Variants in SDHAF4 observed in about 807,000 individuals in gnomAD.
The protein encoded by SDHAF4 is succinate dehydrogenase assembly factor 4, mitochondrial.
SDHAF4 carries 14 observed loss-of-function variants against 14.3 expected under a neutral mutation model. The ratio of observed to expected loss-of-function variants is 0.98; its 90% CI spans 0.65 to 1.53. The LOEUF is 1.53. Among genes scored for constraint, SDHAF4 ranks in the 40% most tolerant of loss-of-function variants. The pLI, the probability that SDHAF4 is intolerant of heterozygous loss-of-function variation, is 0.00. For missense variants in SDHAF4, 141 were observed against 129.3 expected (o/e 1.09, Z -0.44); for synonymous variants, 63 against 47.3 (o/e 1.33, Z -1.36).
At chr6:70,582,270 G>T (rs914764827) in intron 2 of SDHAF4, among the ~76,000 whole-genome samples, 2 of 151,274 alleles carry the variant, frequency 1.3e-5, no homozygotes, top group Non-Finnish European at 3.0e-5. Flanking sequence ...TCAGTATGTT[G>T]CCCAGGCTGG....
At chr6:70,587,988 A>G (rs1765223155) in intron 2 of SDHAF4, among the ~76,000 whole-genome samples, 1 of 152,226 alleles carries the variant, frequency 6.6e-6, no homozygotes, top group Non-Finnish European at 1.5e-5. Flanking sequence ...ACCTTGTTTA[A>G]TTAACAACAC....
At chr6:70,592,194 A>T (rs1047762660), downstream of SDHAF4, among the ~76,000 whole-genome samples, 1 of 152,234 alleles carries the variant, frequency 6.6e-6, no homozygotes, top group Non-Finnish European at 1.5e-5. Context: ...TAGTTATAGC[A>T]ACTTGGGCTA....
intron 1 of SDHAF4, among the ~76,000 whole-genome samples, chr6:70,570,134 T>A (rs1037554947): frequency 6.6e-6 from 1 of 152,242 alleles, no homozygotes; most frequent in Admixed American, 6.5e-5. Context: ...CCTGTCTTGA[T>A]AATTATAGCC....
At chr6:70,573,063 C>T (rs553925726) in intron 1 of SDHAF4, among the ~76,000 whole-genome samples, 215 of 152,122 alleles carry the variant, frequency 1.4e-3, no homozygotes, top group Non-Finnish European at 2.3e-3. Flanking sequence ...CACCCTTGAT[C>T]TCCAGGACAC....
chr6:70,585,317 T>C (rs1342621038), intron 2 of SDHAF4, among the ~76,000 whole-genome samples: 1 of 152,254 alleles, frequency 6.6e-6, no homozygotes, highest in African/African-American at 2.4e-5. Context: ...TGAATTTTAT[T>C]ATAAGCAGAC....
intron 2 of SDHAF4, among the ~76,000 whole-genome samples, chr6:70,586,381 CTTTCAAGCCTTGCCAGAGTTT>C: frequency 6.7e-6 from 1 of 149,530 alleles, no homozygotes; most frequent in Admixed American, 6.7e-5. Flanking sequence ...TGCACTTTCC[CTTTCAAGCCTTGCCAGAGTTT>C]GTTATTCTTG....
chr6:70,580,567 A>G (rs1581929955), intron 2 of SDHAF4, among the ~76,000 whole-genome samples: 1 of 152,238 alleles, frequency 6.6e-6, no homozygotes, highest in East Asian at 1.9e-4. Flanking sequence ...AAAAGGTGGA[A>G]ACAACCCAAT....
chr6:70,568,043 A>G (rs1423431168), intron 1 of SDHAF4, among the ~76,000 whole-genome samples: 1 of 152,198 alleles, frequency 6.6e-6, no homozygotes, highest in Non-Finnish European at 1.5e-5. Flanking sequence ...GAAAACAGTA[A>G]TTATTGCCCT....
chr6:70,593,419 C>A (rs190226427), downstream of SDHAF4, among the ~76,000 whole-genome samples: 1 of 152,346 alleles, frequency 6.6e-6, no homozygotes, highest in Non-Finnish European at 1.5e-5. Context: ...AGAGCTGCTG[C>A]AGAAAGTTCC....
intron 2 of SDHAF4, among the ~76,000 whole-genome samples, chr6:70,584,681 C>T (rs972082549): frequency 1.3e-5 from 2 of 151,988 alleles, no homozygotes; most frequent in Non-Finnish European, 2.9e-5. Context: ...GAAGAAGAGA[C>T]ATGGAAAGAT....
downstream of SDHAF4, among the ~76,000 whole-genome samples, chr6:70,594,553 C>G (rs1562060991): frequency 6.6e-6 from 1 of 152,168 alleles, no homozygotes; most frequent in Non-Finnish European, 1.5e-5. Context: ...AGCGAGACCC[C>G]ATGAACTTGG....
intron 2 of SDHAF4, among the ~76,000 whole-genome samples, chr6:70,588,003 A>G (rs1006427396): frequency 3.9e-5 from 6 of 152,230 alleles, no homozygotes; most frequent in Admixed American, 3.9e-4. Context: ...CAACACAGTG[A>G]GAGAAGTATG....
chr6:70,583,305 G>T (rs546528702), intron 2 of SDHAF4, among the ~76,000 whole-genome samples: 23 of 152,242 alleles, frequency 1.5e-4, no homozygotes, highest in African/African-American at 5.5e-4. Context: ...TAGAAACGGG[G>T]TTTCACCATG....
chr6:70,576,982 C>G (rs570214835), intron 1 of SDHAF4, among the ~76,000 whole-genome samples: 1 of 152,284 alleles, frequency 6.6e-6, no homozygotes, highest in South Asian at 2.1e-4. Context: ...GAGCTAGAAC[C>G]AGGGAGTTAG....
intron 2 of SDHAF4, among the ~76,000 whole-genome samples, chr6:70,586,800 A>G (rs551789049): frequency 6.6e-6 from 1 of 152,322 alleles, no homozygotes; most frequent in Non-Finnish European, 1.5e-5. Context: ...ATTGCTGAAG[A>G]TAATGTAAAT....
At chr6:70,568,966 T>TTTC (rs1554182562) in intron 1 of SDHAF4, among the ~76,000 whole-genome samples, 3 of 95,480 alleles carry the variant, frequency 3.1e-5, no homozygotes, top group Non-Finnish European at 6.7e-5. Flanking sequence ...TTTTTTCTTT[T>TTTC]TTTTTTTTTT....
At chr6:70,573,265 T>TTTTTG (rs999291121) in intron 1 of SDHAF4, among the ~76,000 whole-genome samples, 1 of 87,532 alleles carries the variant, frequency 1.1e-5, no homozygotes, top group African/African-American at 1.2e-4. Context: ...CTATTTGGCC[T>TTTTTG]TTTTTTTTTT....
chr6:70,591,751 A>G (rs1445276871), downstream of SDHAF4, among the ~76,000 whole-genome samples: 1 of 152,252 alleles, frequency 6.6e-6, no homozygotes, highest in Non-Finnish European at 1.5e-5. Context: ...AAGTATATAC[A>G]TTAGTTTGTG....
chr6:70,572,612 A>C (rs1004893083), intron 1 of SDHAF4, among the ~76,000 whole-genome samples: 2 of 151,120 alleles, frequency 1.3e-5, no homozygotes, highest in Admixed American at 1.3e-4. Flanking sequence ...GTTTTTATTC[A>C]TTTTTTTCTT....
Sources: gnomAD v4.1 joint callset for allele counts (sites outside exome capture counted in the v4.1 genomes callset) on GRCh38, gnomAD v4.1.1 for gene constraint, MANE v1.5 for transcripts, NCBI Gene and HGNC (gene_info 2026-07-23, HGNC 2026-07-21) for gene names.